SDK1: variants seen among roughly 807,000 people sequenced by gnomAD.
SDK1 encodes sidekick cell adhesion molecule 1.
A neutral mutation model predicts 245.5 loss-of-function variants in SDK1; 157 were observed. The ratio of observed to expected loss-of-function variants is 0.64; its 90% CI spans 0.56 to 0.73. The LOEUF (loss-of-function observed/expected upper bound fraction) is 0.73. Ranked by LOEUF, SDK1 falls within the 30% of genes least tolerant of loss-of-function variation. The probability of loss-of-function intolerance (pLI) is 0.00; values close to 1 mark genes in which losing one functional copy is unlikely to be tolerated. For synonymous variants in SDK1, 1,647 were observed against 1,278.5 expected, an observed-to-expected ratio of 1.29 and a Z score of -6.15; for missense variants, 3,583 against 3,002.3, an observed-to-expected ratio of 1.19 and a Z score of -4.52.
At position 4,245,729 on chromosome 7, in the gene SDK1, G is replaced by T. The variant is rs1786807673; in HGVS notation, c.6305G>T (p.Cys2102Phe). 5 of 1,614,076 alleles carry T rather than the reference G, an allele frequency of 3.1e-6. No individual in the cohort carries two copies. The highest frequency in any genetic ancestry group is 3.4e-6 in the Non-Finnish European group (4 of 1,179,994). The change falls in exon 44 of 45, where the codon TGC becomes TTC. Residue 2102 changes from cysteine (C) to phenylalanine (F), a missense_variant. By Grantham distance (205) the Cys-to-Phe change is radical (BLOSUM62 -2). Transcript: ENST00000404826. ...GGLHYSDEDI[C>F]NKYNGAVLTE... ...CTGCACTACTCAGACGAGGACATCTGCAACAAGTACAACGGCGCCGTGCTG... is the reference window on the plus strand; with the variant it reads ...CTGCACTACTCAGACGAGGACATCTTCAACAAGTACAACGGCGCCGTGCTG...
chr7:3,799,382 G>A (rs192027418), intron 4 of SDK1, among the ~76,000 whole-genome samples: 26 of 151,596 alleles, frequency 1.7e-4, no homozygotes, highest in African/African-American at 6.1e-4. Context: ...TAGGCTTCTC[G>A]GTGTTGAAGG....
In SDK1 at chr7:3,643,246, C is replaced by G. The variant is rs191828433; in HGVS notation, c.713+1141C>G. 373 of 150,852 alleles carry G rather than the reference C, an allele frequency of 2.5e-3. 2 individuals carry two copies. Among genetic ancestry groups the G allele is most frequent in the South Asian group, 0.018 (83 of 4,726 alleles). 9.3% of individuals were successfully genotyped at this position (150,852 alleles called of 1,614,324 possible). On this transcript the variant is annotated intron_variant, in intron 4 of 44. Transcript: ENST00000404826. Reference sequence around the variant, plus strand: ...GCATCTGTGGAATCCCTTCCCTAAACCTCATGATTCTCATCTACCTGAACA... The same window carrying G: ...GCATCTGTGGAATCCCTTCCCTAAAGCTCATGATTCTCATCTACCTGAACA...
At chr7:3,487,237 T>C (rs1781727832) in intron 1 of SDK1, among the ~76,000 whole-genome samples, 1 of 152,216 alleles carries the variant, frequency 6.6e-6, no homozygotes, top group African/African-American at 2.4e-5. Flanking sequence ...TTATGTAATA[T>C]CGTATATGTC....
intron 1 of SDK1, among the ~76,000 whole-genome samples, chr7:3,605,512 A>T (rs1781394359): frequency 6.6e-6 from 1 of 152,224 alleles, no homozygotes; most frequent in Non-Finnish European, 1.5e-5. Flanking sequence ...GAAGGAAGCT[A>T]AAGAACAGCT....
chr7:4,246,915 G>T (rs140900646), intron 44 of SDK1, among the ~76,000 whole-genome samples: 48 of 152,314 alleles, frequency 3.2e-4, no homozygotes, highest in African/African-American at 8.4e-4. Context: ...CAGCAAGGCA[G>T]CCACGAGGGG....
chr7:3,906,408 GAGAGAGAC>G (rs1778932452), intron 5 of SDK1, among the ~76,000 whole-genome samples: 1 of 151,998 alleles, frequency 6.6e-6, no homozygotes, highest in Non-Finnish European at 1.5e-5. Flanking sequence ...GTGAGAGAGA[GAGAGAGAC>G]AGAGAGCGCG....
At chr7:4,260,000 A>C (rs1787879812) in intron 44 of SDK1, among the ~76,000 whole-genome samples, 2 of 152,218 alleles carry the variant, frequency 1.3e-5, no homozygotes, top group African/African-American at 4.8e-5. Flanking sequence ...CCGGGCATTA[A>C]TCTGGTATGT....
intron 19 of SDK1, among the ~76,000 whole-genome samples, chr7:4,054,768 T>A (rs980414895): frequency 6.6e-6 from 1 of 152,194 alleles, no homozygotes; most frequent in African/African-American, 2.4e-5. Context: ...CAAGTTGAAG[T>A]TATTCCTCAC....
rs77326831 is a variant in SDK1 at position 4,166,079 on chromosome 7, G to A, written c.4800+4223G>A. On this transcript the variant is annotated intron_variant, in intron 32 of 44. Transcript: ENST00000404826. Reference sequence around the variant, plus strand: ...GCTGGGATTACAGGTATGAGCCACTGCCCAGCCTGTAAGTGGGTTTTGAGA... The same window carrying A: ...GCTGGGATTACAGGTATGAGCCACTACCCAGCCTGTAAGTGGGTTTTGAGA... Among the ~76,000 whole-genome samples, 449 of 152,334 alleles carry A rather than the reference G, an allele frequency of 2.9e-3. 4 individuals are homozygous for A. The highest frequency in any genetic ancestry group is 0.01 in the African/African-American group (436 of 41,562).
At chr7:4,227,315 A>G (rs1785501673) in intron 40 of SDK1, 6 of 464,734 alleles carry the variant, frequency 1.3e-5, no homozygotes, top group Non-Finnish European at 2.7e-5. Flanking sequence ...ACAGCTTGTC[A>G]GCCCGGCTTC....
At chr7:3,537,556 G>A (rs1778923929) in intron 1 of SDK1, among the ~76,000 whole-genome samples, 1 of 152,152 alleles carries the variant, frequency 6.6e-6, no homozygotes, top group African/African-American at 2.4e-5. Flanking sequence ...ATGACTCTTT[G>A]GGGTTGAAAA....
chr7:3,967,651 C>T (rs1393914521), intron 10 of SDK1, among the ~76,000 whole-genome samples: 3 of 152,212 alleles, frequency 2.0e-5, no homozygotes, highest in African/African-American at 7.2e-5. Flanking sequence ...GGCTGATGGT[C>T]TAAGGATGAA....
intron 7 of SDK1, chr7:3,958,129 A>G: frequency 2.6e-6 from 1 of 390,048 alleles, no homozygotes; most frequent in South Asian, 1.9e-5. Flanking sequence ...AAAGTAAACC[A>G]GCTCTGGAAG....
chr7:3,977,626 A>G (rs1214634794), intron 13 of SDK1, among the ~76,000 whole-genome samples: 1 of 152,218 alleles, frequency 6.6e-6, no homozygotes, highest in South Asian at 2.1e-4. Flanking sequence ...ATTCAACGAC[A>G]GTAGCACTTC....
chr7:3,535,509 A>T (rs928381229), intron 1 of SDK1, among the ~76,000 whole-genome samples: 1 of 152,138 alleles, frequency 6.6e-6, no homozygotes, highest in East Asian at 1.9e-4. Context: ...AGGCTCAGTC[A>T]TACTATTCTT....
intron 1 of SDK1, among the ~76,000 whole-genome samples, chr7:3,520,657 TCTC>T (rs1782907705): frequency 7.7e-6 from 1 of 129,816 alleles, no homozygotes; most frequent in Non-Finnish European, 1.6e-5. Context: ...TCTGCAATCT[TCTC>T]CTTAAATAAA....
At chr7:4,090,000 A>G (rs1040597223) in intron 22 of SDK1, among the ~76,000 whole-genome samples, 10 of 152,130 alleles carry the variant, frequency 6.6e-5, no homozygotes, top group Admixed American at 2.0e-4. Flanking sequence ...ATTCCCCTCA[A>G]TTTGGATTTA....
At chr7:4,189,592 G>C (rs1045904631) in intron 35 of SDK1, among the ~76,000 whole-genome samples, 2 of 152,202 alleles carry the variant, frequency 1.3e-5, no homozygotes, top group Non-Finnish European at 2.9e-5. Context: ...GCTCATGCCT[G>C]TAATCCTAGC....
At chr7:3,767,913 C>G (rs901551068) in intron 4 of SDK1, among the ~76,000 whole-genome samples, 10 of 152,226 alleles carry the variant, frequency 6.6e-5, no homozygotes, top group African/African-American at 2.4e-4. Context: ...TTATTGAACA[C>G]TTACTTTGAG....
Sources: allele counts gnomAD v4.1 joint callset (sites outside exome capture counted in the v4.1 genomes callset), GRCh38; gene constraint gnomAD v4.1.1; transcripts MANE v1.5; gene names NCBI Gene and HGNC (gene_info 2026-07-23, HGNC 2026-07-21).